Variants in GBP7 observed in about 807,000 individuals in gnomAD.
The protein encoded by GBP7 is guanylate binding protein 7.
In GBP7, 43 loss-of-function variants were observed where a neutral mutation model predicts 61.3. The observed-to-expected ratio is 0.70, with a 90% CI of 0.55 to 0.91. The LOEUF is 0.91. Ranked by LOEUF, GBP7 falls within the 40% of genes least tolerant of loss-of-function variation. The pLI is 0.00. For missense variants in GBP7, 717 were observed against 740.5 expected (o/e 0.97, Z 0.37); for synonymous variants, 267 against 271.0 (o/e 0.99, Z 0.14).
At chr1:89,169,502 T>A (rs1158715557) in intron 2 of GBP7, among the ~76,000 whole-genome samples, 2 of 152,226 alleles carry the variant, frequency 1.3e-5, no homozygotes, top group Non-Finnish European at 2.9e-5. Flanking sequence ...CTATAGTTCA[T>A]CTGTCATTAG....
chr1:89,163,113 T>A (rs1391723894), intron 3 of GBP7, among the ~76,000 whole-genome samples: 1 of 152,204 alleles, frequency 6.6e-6, no homozygotes, highest in Non-Finnish European at 1.5e-5. Flanking sequence ...GGATAAAGCC[T>A]ACTTGATCAT....
chr1:89,135,306 C>T (rs1191393301), intron 9 of GBP7, among the ~76,000 whole-genome samples: 2 of 152,112 alleles, frequency 1.3e-5, no homozygotes, highest in Non-Finnish European at 2.9e-5. Context: ...TCCCCAACCT[C>T]ACTAGAGAGG....
At position 89,168,984 on chromosome 1, in the gene GBP7, AC is replaced by A. The variant is rs1243666631; in HGVS notation, c.190+2761del. The stretch of plus-strand genomic sequence containing the variant: ...AACTCCGCCTCAAGTTAAAAAAAAA[AC>A]AAAAAACAAAAAAACTCCTGTGGAA... On this transcript the variant is annotated intron_variant, in intron 2 of 10. Transcript: ENST00000294671. 8.4e-4 allele frequency among the ~76,000 whole-genome samples: 62 copies of A among 73,782 alleles called. 4 individuals carry two copies. Among genetic ancestry groups the A allele is most frequent in the African/African-American group, 1.9e-3 (32 of 16,612 alleles). 48.4% of individuals were successfully genotyped at this position (73,782 alleles called of 152,430 possible).
rs370250425 is a variant in GBP7, at chr1:89,169,524, A to G, written c.190+2222T>C. ...TCATCTGTCATTAGATTGCAGCCCT[A>G]TGCATTACTTTTGAGTTTATTATTA... On this transcript the variant is annotated intron_variant, in intron 2 of 10. Transcript: ENST00000294671. Among the ~76,000 whole-genome samples, 56 of 152,368 alleles carry G rather than the reference A, an allele frequency of 3.7e-4. 6 individuals are homozygous for G. Among genetic ancestry groups the G allele is most frequent in the Admixed American group, 9.1e-4 (14 of 15,304 alleles).
intron 8 of GBP7, among the ~76,000 whole-genome samples, chr1:89,145,417 A>G (rs1049524420): frequency 6.6e-6 from 1 of 152,124 alleles, no homozygotes; most frequent in Non-Finnish European, 1.5e-5. Context: ...TATTTTATAT[A>G]TCTATATTTA....
At chr1:89,153,070 G>A (rs1271874457) in intron 3 of GBP7, among the ~76,000 whole-genome samples, 2 of 152,202 alleles carry the variant, frequency 1.3e-5, no homozygotes, top group African/African-American at 2.4e-5. Flanking sequence ...TGCTTTATCA[G>A]TGGTGCTGTA....
intron 9 of GBP7, among the ~76,000 whole-genome samples, chr1:89,141,315 T>C (rs1446226058): frequency 6.6e-6 from 1 of 152,198 alleles, no homozygotes; most frequent in African/African-American, 2.4e-5. Flanking sequence ...TGAGAATCTC[T>C]GAATTCTGTC....
chr1:89,135,110 A>T (rs1681767995), intron 9 of GBP7, among the ~76,000 whole-genome samples: 1 of 152,208 alleles, frequency 6.6e-6, no homozygotes, highest in African/African-American at 2.4e-5. Context: ...AGAGCTCAAA[A>T]ACCCATTTTT....
chr1:89,139,474 A>G (rs1170385790), intron 9 of GBP7, among the ~76,000 whole-genome samples: 2 of 152,246 alleles, frequency 1.3e-5, no homozygotes, highest in Non-Finnish European at 2.9e-5. Context: ...GAGCTTCTGC[A>G]CAGCAAAAGA....
intron 5 of GBP7, among the ~76,000 whole-genome samples, chr1:89,151,141 T>C (rs1682187885): frequency 6.6e-6 from 1 of 152,182 alleles, no homozygotes; most frequent in South Asian, 2.1e-4. Flanking sequence ...TGCAGTATAT[T>C]AGAGCCCTAG....
chr1:89,168,606 A>AT (rs1048189604), intron 2 of GBP7, among the ~76,000 whole-genome samples: 7 of 151,880 alleles, frequency 4.6e-5, no homozygotes, highest in Non-Finnish European at 7.4e-5. Context: ...TTTGAGACTG[A>AT]TTTTTTTTAA....
Position 89,132,138 on chromosome 1 carries a change from C to T in GBP7, c.*11G>A. The T allele has an allele frequency of 6.3e-7, 1 of 1,590,738 alleles. No individual in the cohort carries two copies. The highest frequency in any genetic ancestry group is 8.5e-7 in the Non-Finnish European group (1 of 1,170,392). On this transcript the variant is annotated 3_prime_UTR_variant, in exon 11 of 11. Coordinates refer to ENST00000294671, the MANE Select transcript of GBP7 (RefSeq NM_207398.3). The stretch of plus-strand genomic sequence containing the variant: ...GAGCAACAGCGTTATACCATTTTAA[C>T]AAAAGAAACCTCAGCTTATAATTTT...
chr1:89,146,390 A>AATATT (rs999675987), intron 8 of GBP7, among the ~76,000 whole-genome samples: 5 of 152,178 alleles, frequency 3.3e-5, no homozygotes, highest in Non-Finnish European at 5.9e-5. Context: ...TGAATTTCAC[A>AATATT]CCAAGAGCAC....
At chr1:89,164,881 A>G (rs1182943622) in intron 2 of GBP7, 23 bp from the exon 3 acceptor site, 1 of 1,611,862 alleles carries the variant, frequency 6.2e-7, no homozygotes, top group South Asian at 1.1e-5. Flanking sequence ...AGGAGAAACA[A>G]CATATAGTGA....
intron 9 of GBP7, among the ~76,000 whole-genome samples, chr1:89,133,727 G>C (rs937282927): frequency 1.3e-5 from 2 of 152,182 alleles, no homozygotes; most frequent in Non-Finnish European, 2.9e-5. Flanking sequence ...TCCTGGGGAA[G>C]GGGTGAGGTA....
At chr1:89,173,256 C>T (rs1242323388) in intron 1 of GBP7, among the ~76,000 whole-genome samples, 4 of 152,130 alleles carry the variant, frequency 2.6e-5, no homozygotes, top group African/African-American at 9.7e-5. Context: ...TATTTCTAGA[C>T]CCACTCAGGG....
intron 5 of GBP7, among the ~76,000 whole-genome samples, chr1:89,150,882 A>G (rs937809223): frequency 6.6e-6 from 1 of 152,222 alleles, no homozygotes. Flanking sequence ...GACGATTTTT[A>G]AAATGTTTGT....
intron 2 of GBP7, among the ~76,000 whole-genome samples, chr1:89,165,725 A>C (rs1477876751): frequency 6.6e-6 from 1 of 151,788 alleles, no homozygotes; most frequent in African/African-American, 2.4e-5. Context: ...CAATGGGGAC[A>C]CATGGACACA....
chr1:89,164,963 C>T (rs1302612924), intron 2 of GBP7, 105 bp from the exon 3 acceptor site: 14 of 1,119,426 alleles, frequency 1.3e-5, no homozygotes, highest in Non-Finnish European at 1.5e-5. Flanking sequence ...GCAGGGGAAA[C>T]GGGTTGCTTC....
Sources: allele counts gnomAD v4.1 joint callset (sites outside exome capture counted in the v4.1 genomes callset), GRCh38; gene constraint gnomAD v4.1.1; transcripts MANE v1.5; gene names NCBI Gene and HGNC (gene_info 2026-07-23, HGNC 2026-07-21).